MMP28: variants seen among roughly 807,000 people sequenced by gnomAD.
MMP28 encodes the protein matrix metalloproteinase-28.
In MMP28, 55 loss-of-function variants were observed where a neutral mutation model predicts 60.5. The ratio of observed to expected loss-of-function variants is 0.91; its 90% confidence interval spans 0.73 to 1.14. The LOEUF is 1.14. MMP28 is among the 50% of genes most tolerant of loss of function. MMP28 has a pLI of 0.00. For synonymous variants in MMP28, 318 were observed against 312.5 expected (o/e 1.02, Z -0.18); for missense variants, 686 against 738.3 (o/e 0.93, Z 0.82).
chr17:35,778,467 C>T (rs1037439722), intron 3 of MMP28: 3 of 255,396 alleles, frequency 1.2e-5, no homozygotes, highest in African/African-American at 4.5e-5. Flanking sequence ...AACTACATCT[C>T]AATAAAGTGG....
At chr17:35,795,238 C>T in intron 1 of MMP28, 29 bp downstream of exon 1, 2 of 1,360,160 alleles carry the variant, frequency 1.5e-6, no homozygotes, top group Admixed American at 3.4e-5. Context: ...AGCACACGCA[C>T]CGCTCTCCGC....
At chr17:35,774,133 C>T (rs778503707) in intron 3 of MMP28, among the ~76,000 whole-genome samples, 4 of 152,222 alleles carry the variant, frequency 2.6e-5, no homozygotes, top group Non-Finnish European at 5.9e-5. Flanking sequence ...GGGTTTCTCT[C>T]CCTTTGCCCC....
intron 1 of MMP28, among the ~76,000 whole-genome samples, chr17:35,783,738 C>T (rs1223703681): frequency 6.6e-6 from 1 of 151,990 alleles, no homozygotes; most frequent in East Asian, 1.9e-4. Context: ...GGCTGCTGTG[C>T]CTAGTACTCT....
At chr17:35,764,877 C>T (rs2085904914), downstream of MMP28, 1 of 322,960 alleles carries the variant, frequency 3.1e-6, no homozygotes, top group African/African-American at 2.2e-5. Flanking sequence ...GGCTCCCCGC[C>T]CCCACGCAGC....
intron 4 of MMP28, among the ~76,000 whole-genome samples, chr17:35,770,726 G>C (rs1313778604): frequency 1.3e-5 from 2 of 151,938 alleles, no homozygotes; most frequent in Non-Finnish European, 2.9e-5. Context: ...GTGTGTGTGT[G>C]TGTGTGTGTG....
chr17:35,772,109 C>T (rs1464660704), intron 4 of MMP28, among the ~76,000 whole-genome samples: 3 of 151,992 alleles, frequency 2.0e-5, no homozygotes, highest in Admixed American at 6.6e-5. Flanking sequence ...GAAAGTCAGC[C>T]GCATGTAGGA....
Position 35,770,201 on chromosome 17 carries a change from G to A in MMP28, c.716C>T (p.Ala239Val), listed in dbSNP as rs757624583. The change falls in exon 5 of 8, where the codon GCG becomes GTG. Residue 239 changes from alanine (A) to valine (V), a missense_variant. Transcript: ENST00000605424. ...RRGRNLFVVL[A>V]HEIGHTLGLT... ...GCCAAGCGTGTGACCGATCTCGTGC[G>A]CCAGCACCACGAACAGGTTGCGCCC... 93 of 1,603,282 alleles carry A rather than the reference G, an allele frequency of 5.8e-5. No homozygotes were observed. The highest frequency in any genetic ancestry group is 6.6e-5 in the Non-Finnish European group (78 of 1,178,096).
rs556853449 is a variant in MMP28, at chr17:35,791,546, G to C, written c.111+3721C>G. Among the ~76,000 whole-genome samples the C allele has an allele frequency of 3.3e-5, 5 of 152,230 alleles. No individual in the cohort carries two copies. The South Asian group carries it at 8.3e-4, about 25-fold the overall frequency. On this transcript the variant is annotated intron_variant, in intron 1 of 7. Transcript: ENST00000605424. ...TTATGATGTTATTATTTTGCTTTAAGCAGCCAGTTGTCTTTTACAGAAATT... is the reference window on the plus strand; with the variant it reads ...TTATGATGTTATTATTTTGCTTTAACCAGCCAGTTGTCTTTTACAGAAATT...
At chr17:35,771,918 A>G (rs1277846495) in intron 4 of MMP28, among the ~76,000 whole-genome samples, 1 of 151,142 alleles carries the variant, frequency 6.6e-6, no homozygotes, top group Non-Finnish European at 1.5e-5. Flanking sequence ...TACCACCCCT[A>G]ACAATTCCCC....
At chr17:35,767,587 G>T (rs2085984622) in intron 7 of MMP28, among the ~76,000 whole-genome samples, 165 bp downstream of exon 7, 1 of 152,120 alleles carries the variant, frequency 6.6e-6, no homozygotes, top group Non-Finnish European at 1.5e-5. Flanking sequence ...TCCCTGAAAG[G>T]TATCTTCTGA....
intron 3 of MMP28, among the ~76,000 whole-genome samples, chr17:35,775,573 C>A (rs138738757): frequency 8.8e-4 from 134 of 152,354 alleles, no homozygotes; most frequent in Non-Finnish European, 1.5e-3. Context: ...GGGTTAGAAT[C>A]CCAGTACCTC....
At position 35,766,631 on chromosome 17, in the gene MMP28, T is replaced by G. The variant is rs779820951; in HGVS notation, c.1432A>C (p.Ile478Leu). 1 of 1,612,616 alleles carries G rather than the reference T, an allele frequency of 6.2e-7. No individual in the cohort carries two copies. The highest frequency in any genetic ancestry group is 2.2e-5 in the East Asian group (1 of 44,868). Reference protein sequence around the residue: ...GALPRPDGSIIFFRDDRYWRL... With the variant: ...GALPRPDGSILFFRDDRYWRL... ...CAGTAGCGGTCATCTCGGAAGAAGA[T>G]GATGGAGCCATCGGGCCTCGGCAGG... The change falls in exon 8 of 8, where the codon ATC becomes CTC. Residue 478 changes from isoleucine to leucine, a missense_variant. Ile to Leu is a conservative substitution (Grantham distance 5). Coordinates refer to ENST00000605424, the MANE Select transcript of MMP28 (RefSeq NM_024302.5). The surrounding 1 kb of genome is among the most constrained non-coding windows in gnomAD (Gnocchi z 4.3).
intron 3 of MMP28, among the ~76,000 whole-genome samples, chr17:35,777,378 G>C (rs1021365367): frequency 7.2e-5 from 11 of 152,180 alleles, no homozygotes; most frequent in Non-Finnish European, 1.5e-4. Flanking sequence ...CCCCATTGCT[G>C]ACTCCTTGCT....
At chr17:35,771,832 T>C (rs902700286) in intron 4 of MMP28, among the ~76,000 whole-genome samples, 1 of 145,610 alleles carries the variant, frequency 6.9e-6, no homozygotes, top group African/African-American at 2.6e-5. Context: ...TGAGCAGAGG[T>C]AGTTGGGCTG....
At chr17:35,759,535 A>C (rs1555601091) in intron 2 of MMP28, among the ~76,000 whole-genome samples, 1 of 152,130 alleles carries the variant, frequency 6.6e-6, no homozygotes, top group Admixed American at 6.6e-5. Flanking sequence ...CCCCATCTTT[A>C]CTAAAAATAC....
At chr17:35,779,672 C>T (rs1555608823) in intron 1 of MMP28, among the ~76,000 whole-genome samples, 2 of 152,214 alleles carry the variant, frequency 1.3e-5, no homozygotes, top group Admixed American at 6.5e-5. Flanking sequence ...GAGTCAGATC[C>T]ACCTAGGTTT....
chr17:35,780,306 G>A (rs959327980), intron 1 of MMP28, among the ~76,000 whole-genome samples: 2 of 151,848 alleles, frequency 1.3e-5, no homozygotes, highest in Non-Finnish European at 2.9e-5. Context: ...GACCTCAGGC[G>A]GTCCACCCAC....
intron 1 of MMP28, among the ~76,000 whole-genome samples, chr17:35,789,616 A>G (rs1002340126): frequency 1.3e-5 from 2 of 152,078 alleles, no homozygotes; most frequent in Non-Finnish European, 2.9e-5. Context: ...ATTTAGTTTC[A>G]TTGCTCTGAT....
In MMP28 at chr17:35,795,351, C is replaced by T; in HGVS notation, c.27G>A (p.Leu9=). ...CCCACAGTAGCAGCTGCAGGGCGCG[C>T]AGCAGGAGGCCGACGCGCGCGACCA... The part of the protein sequence containing the change: MVARVGLL[L]RALQLLLWGH... Residue 9 remains leucine, a synonymous_variant, in exon 1 of 8, where the codon CTG becomes CTA. Transcript: ENST00000605424. The T allele has an allele frequency of 6.9e-7, 1 of 1,453,062 alleles. No homozygotes were observed. The highest frequency in any genetic ancestry group is 1.4e-5 in the South Asian group (1 of 73,626). The allele number at this position is 1,453,062 out of a possible 1,614,324, so 90.0% of individuals were successfully genotyped here. A position where few individuals can be genotyped will look rare whatever the true frequency, so the allele number is the denominator to read the frequency against.
Sources: gnomAD v4.1 joint callset for allele counts (sites outside exome capture counted in the v4.1 genomes callset) on GRCh38, gnomAD v4.1.1 for gene constraint, Gnocchi (gnomAD v3.1) non-coding constraint, MANE v1.5 for transcripts, NCBI Gene and HGNC (gene_info 2026-07-23, HGNC 2026-07-21) for gene names.